UVRAG: variants seen among roughly 807,000 people sequenced by gnomAD.
UVRAG encodes the protein UV radiation resistance associated.
UVRAG carries 19 observed loss-of-function variants against 78.0 expected under a neutral mutation model. The observed-to-expected ratio is 0.24, with a 90% CI of 0.17 to 0.36. UVRAG has a LOEUF of 0.36. Among genes scored for constraint, UVRAG ranks in the 10% least tolerant of loss-of-function variants. UVRAG has a pLI of 1.00. For missense variants in UVRAG, 740 were observed against 853.8 expected, an observed-to-expected ratio of 0.87 and a Z score of 1.66; for synonymous variants, 323 against 324.6, an observed-to-expected ratio of 1.00 and a Z score of 0.05.
chr11:76,063,273 A>C (rs1459456799), intron 12 of UVRAG, among the ~76,000 whole-genome samples: 1 of 152,240 alleles, frequency 6.6e-6, no homozygotes, highest in Non-Finnish European at 1.5e-5. Flanking sequence ...GTAAATTTAC[A>C]ATCTGAGACA....
intron 12 of UVRAG, among the ~76,000 whole-genome samples, chr11:76,022,823 CT>C (rs1168979459): frequency 6.6e-6 from 1 of 152,070 alleles, no homozygotes; most frequent in African/African-American, 2.4e-5. Flanking sequence ...ATGTCTTATG[CT>C]TTTTTTGTGT....
intron 6 of UVRAG, among the ~76,000 whole-genome samples, chr11:75,917,219 A>G (rs915649553): frequency 2.0e-5 from 3 of 152,246 alleles, no homozygotes; most frequent in African/African-American, 7.2e-5. Context: ...GGAGTCAGCT[A>G]CATGTTGATT....
intron 13 of UVRAG, among the ~76,000 whole-genome samples, chr11:76,075,401 A>G (rs1951385895): frequency 6.6e-6 from 1 of 152,174 alleles, no homozygotes; most frequent in South Asian, 2.1e-4. Context: ...ACTTGAGGTC[A>G]GGAGTTTGAG....
chr11:75,876,109 C>G (rs929637893), intron 3 of UVRAG, among the ~76,000 whole-genome samples: 1 of 152,152 alleles, frequency 6.6e-6, no homozygotes. Context: ...TCTCCACTTA[C>G]CTCTCTGGGT....
chr11:75,823,116 C>T (rs532737183), intron 1 of UVRAG, among the ~76,000 whole-genome samples: 36 of 152,238 alleles, frequency 2.4e-4, no homozygotes, highest in African/African-American at 8.7e-4. Flanking sequence ...CTCCTAGTAC[C>T]CCTATGGCAC....
At chr11:75,819,320 G>C (rs1945336280) in intron 1 of UVRAG, among the ~76,000 whole-genome samples, 1 of 152,072 alleles carries the variant, frequency 6.6e-6, no homozygotes, top group African/African-American at 2.4e-5. Flanking sequence ...GCAAGAACTA[G>C]TGACACATTT....
intron 1 of UVRAG, among the ~76,000 whole-genome samples, chr11:75,828,796 TATATATA>T (rs1339058048): frequency 0.013 from 1,246 of 97,842 alleles, 29 homozygotes; most frequent in African/African-American, 0.047. Flanking sequence ...TATATATATA[TATATATA>T]TATTTTTTTT....
In UVRAG at chr11:76,141,939, T is replaced by C. The variant is rs1212424284; in HGVS notation, c.*526T>C. On this transcript the variant is annotated 3_prime_UTR_variant, in exon 15 of 15. Transcript: ENST00000356136. Reference sequence around the variant, plus strand: ...TTACATCTAGGCCTAACTGTCCCTCTTCCTGCCCCCGGGTACCACAGTCCA... The same window carrying C: ...TTACATCTAGGCCTAACTGTCCCTCCTCCTGCCCCCGGGTACCACAGTCCA... The C allele has an allele frequency of 6.4e-6, 1 of 155,628 alleles. No individual in the cohort carries two copies. Among genetic ancestry groups the C allele is most frequent in the African/African-American group, 2.4e-5 (1 of 41,464 alleles). The allele number at this position is 155,628 out of a possible 1,614,324, so 9.6% of individuals were successfully genotyped here. A position where few individuals can be genotyped will look rare whatever the true frequency, so the allele number is the denominator to read the frequency against.
chr11:75,866,703 A>C (rs1440987453), intron 3 of UVRAG, among the ~76,000 whole-genome samples: 3 of 152,112 alleles, frequency 2.0e-5, no homozygotes, highest in African/African-American at 7.2e-5. Flanking sequence ...CAGGGACCTC[A>C]TGTGGTTCAT....
chr11:76,060,580 G>T (rs1396611743), intron 12 of UVRAG, among the ~76,000 whole-genome samples: 6 of 152,246 alleles, frequency 3.9e-5, no homozygotes, highest in African/African-American at 1.4e-4. Flanking sequence ...GCGCGAGCGG[G>T]AACCAGGGCT....
intron 1 of UVRAG, among the ~76,000 whole-genome samples, chr11:75,844,032 T>G (rs143889458): frequency 1.9e-4 from 29 of 152,122 alleles, no homozygotes; most frequent in Middle Eastern, 3.4e-3. Flanking sequence ...GGATCATATG[T>G]TATGATCGGG....
chr11:76,004,113 G>C, intron 9 of UVRAG, 24 bp downstream of exon 9: 1 of 1,606,258 alleles, frequency 6.2e-7, no homozygotes, highest in Admixed American at 1.7e-5. Context: ...GAGAAGAATT[G>C]CTGTGAGTGT....
chr11:75,881,871 A>G (rs1281330202), intron 4 of UVRAG, among the ~76,000 whole-genome samples: 2 of 152,198 alleles, frequency 1.3e-5, no homozygotes, highest in Non-Finnish European at 2.9e-5. Context: ...CTTATTTTCC[A>G]GATGAAAAAA....
chr11:76,047,646 A>G (rs1950785614), intron 12 of UVRAG, among the ~76,000 whole-genome samples: 1 of 152,240 alleles, frequency 6.6e-6, no homozygotes, highest in Non-Finnish European at 1.5e-5. Flanking sequence ...CTCATAGGCT[A>G]CTAGGTATAG....
chr11:75,936,194 C>T (rs958203851), intron 6 of UVRAG, among the ~76,000 whole-genome samples: 1 of 152,308 alleles, frequency 6.6e-6, no homozygotes, highest in African/African-American at 2.4e-5. Context: ...GTGATATAAA[C>T]TTTGAAGCCT....
intron 2 of UVRAG, among the ~76,000 whole-genome samples, chr11:75,852,421 T>C (rs1388667185): frequency 6.6e-6 from 1 of 152,204 alleles, no homozygotes; most frequent in African/African-American, 2.4e-5. Context: ...AAGAATGGCA[T>C]GGTTTTCTCT....
chr11:75,833,482 G>T (rs752071402), intron 1 of UVRAG, among the ~76,000 whole-genome samples: 1 of 152,062 alleles, frequency 6.6e-6, no homozygotes, highest in African/African-American at 2.4e-5. Flanking sequence ...TGTATTTCCC[G>T]GAATAGGGAT....
At chr11:76,012,326 AAAAAAG>A (rs1007221128) in intron 11 of UVRAG, among the ~76,000 whole-genome samples, 3 of 152,102 alleles carry the variant, frequency 2.0e-5, no homozygotes, top group African/African-American at 7.2e-5. Context: ...AAAGGAAAAA[AAAAAAG>A]AAAAAGAAAA....
chr11:76,024,280 A>G (rs1354084101), intron 12 of UVRAG, among the ~76,000 whole-genome samples: 1 of 152,202 alleles, frequency 6.6e-6, no homozygotes, highest in Non-Finnish European at 1.5e-5. Context: ...AATTTCAAGT[A>G]GCATGCCCCA....
Sources: allele counts gnomAD v4.1 joint callset (sites outside exome capture counted in the v4.1 genomes callset), GRCh38; gene constraint gnomAD v4.1.1; transcripts MANE v1.5; gene names NCBI Gene and HGNC (gene_info 2026-07-23, HGNC 2026-07-21).